The following KCNQ1 variants were observed in gnomAD, a reference collection of about 807,000 sequenced individuals.
KCNQ1 encodes potassium voltage-gated channel subfamily Q member 1, also known as potassium voltage-gated channel subfamily KQT member 1.
Under a neutral mutation model 72.4 loss-of-function variants are expected in KCNQ1, and 49 were observed. The ratio of observed to expected loss-of-function variants is 0.68; its 90% confidence interval spans 0.54 to 0.86. KCNQ1 has a LOEUF of 0.86. Among genes scored for constraint, KCNQ1 ranks in the 40% least tolerant of loss-of-function variants. KCNQ1 has a pLI of 0.00. For synonymous variants in KCNQ1, 450 were observed against 412.6 expected, an observed-to-expected ratio of 1.09 and a Z score of -1.10; for missense variants, 790 against 945.1, an observed-to-expected ratio of 0.84 and a Z score of 2.15.
chr11:2,836,428 G>A (rs997322874), intron 15 of KCNQ1, among the ~76,000 whole-genome samples: 7 of 152,166 alleles, frequency 4.6e-5, no homozygotes, highest in African/African-American at 1.7e-4. Flanking sequence ...AGAGGGTGAG[G>A]CCGGACTGCA....
intron 10 of KCNQ1, chr11:2,622,714 T>A (rs940156880): frequency 5.3e-5 from 21 of 398,526 alleles, no homozygotes; most frequent in Admixed American, 8.8e-5. Flanking sequence ...ATGTGTATTT[T>A]AAAGACTTTA....
Position 2,691,167 on chromosome 11 carries a change from T to C in KCNQ1, c.1514+29086T>C, listed in dbSNP as rs984995985. ...TGCTGGCCTCTGGCCTCTCACAGCC[T>C]TGGGAGGGGTGCTCAGAGCTCAGCT... On this transcript the variant is annotated intron_variant, in intron 11 of 15. Transcript: ENST00000155840. This position sits in a 1 kb window ranked among gnomAD's most constrained non-coding sequence, Gnocchi z 6.4. 1 of 398,632 alleles carries C rather than the reference T, an allele frequency of 2.5e-6. No homozygotes were observed. The allele number at this position is 398,632 out of a possible 1,614,324, so 24.7% of individuals were successfully genotyped here. A position where few individuals can be genotyped will look rare whatever the true frequency, so the allele number is the denominator to read the frequency against.
In KCNQ1 at chr11:2,721,098, G is replaced by A. The variant is rs116211725; in HGVS notation, c.1515-47746G>A. Among the ~76,000 whole-genome samples the A allele has an allele frequency of 3.3e-3, 508 of 152,280 alleles. 3 individuals are homozygous for A. The highest frequency in any genetic ancestry group is 0.012 in the African/African-American group (495 of 41,550). ...GTAAAGAGTTTCTAAAAGGTGGGGAGGGGATTGGTGGGGGCCTGTCTCATG... is the reference window on the plus strand; with the variant it reads ...GTAAAGAGTTTCTAAAAGGTGGGGAAGGGATTGGTGGGGGCCTGTCTCATG... On this transcript the variant is annotated intron_variant, in intron 11 of 15. Transcript: ENST00000155840.
chr11:2,801,584 C>G (rs751606080), intron 15 of KCNQ1, among the ~76,000 whole-genome samples: 9 of 152,222 alleles, frequency 5.9e-5, no homozygotes, highest in Non-Finnish European at 1.2e-4. Flanking sequence ...GACCAAGGCC[C>G]TGCCTTCACA....
chr11:2,807,099 G>A (rs1438327002), intron 15 of KCNQ1, among the ~76,000 whole-genome samples: 1 of 152,376 alleles, frequency 6.6e-6, no homozygotes, highest in Non-Finnish European at 1.5e-5. Context: ...TAAATGGGAC[G>A]ATGAAGGGGC....
intron 11 of KCNQ1, chr11:2,689,822 C>T: frequency 2.5e-6 from 1 of 398,742 alleles, no homozygotes; most frequent in Non-Finnish European, 4.4e-6. Flanking sequence ...GGTGCTTGGC[C>T]CTCCCAGGTG....
intron 11 of KCNQ1, among the ~76,000 whole-genome samples, chr11:2,761,848 C>A (rs1221943584): frequency 6.6e-6 from 1 of 152,258 alleles, no homozygotes; most frequent in Admixed American, 6.5e-5. Flanking sequence ...GGCTGTTTGC[C>A]TGTGAAGGCT....
chr11:2,796,369 C>G lies in KCNQ1; in HGVS notation c.1794+18332C>G, dbSNP rs141135306. Reference sequence around the variant, plus strand: ...TCACGGCTCCTCCCAAACTGAGGAGCATGGAGGACCCTGGGCATTGATGGC... The same window carrying G: ...TCACGGCTCCTCCCAAACTGAGGAGGATGGAGGACCCTGGGCATTGATGGC... On this transcript the variant is annotated intron_variant, in intron 15 of 15. Coordinates refer to ENST00000155840, the MANE Select transcript of KCNQ1 (RefSeq NM_000218.3). 1.8e-3 allele frequency among the ~76,000 whole-genome samples: 271 copies of G among 152,322 alleles called. 2 individuals carry two copies. The highest frequency in any genetic ancestry group is 0.01 in the Middle Eastern group (3 of 294).
chr11:2,466,370 G>A (rs1329279244), intron 1 of KCNQ1, among the ~76,000 whole-genome samples: 1 of 152,154 alleles, frequency 6.6e-6, no homozygotes, highest in Non-Finnish European at 1.5e-5. Flanking sequence ...CCCCTACTTT[G>A]CAGGAGGAGG....
chr11:2,658,345 T>G lies in KCNQ1; in HGVS notation c.1394-3616T>G. On this transcript the variant is annotated intron_variant, in intron 10 of 15. Transcript: ENST00000155840. The surrounding 1 kb of genome is among the most constrained non-coding windows in gnomAD (Gnocchi z 4.9). ...TCTCCTCCAATTGTTTATTTAATTTTATCAGTGTGGATTTGGGAGTATTTA... is the reference window on the plus strand; with the variant it reads ...TCTCCTCCAATTGTTTATTTAATTTGATCAGTGTGGATTTGGGAGTATTTA... The G allele has an allele frequency of 2.5e-6, 1 of 398,598 alleles. No homozygotes were observed. 24.7% of individuals were successfully genotyped at this position (398,598 alleles called of 1,614,324 possible). A position where few individuals can be genotyped will look rare whatever the true frequency, so the allele number is the denominator to read the frequency against.
At chr11:2,846,031 C>T (rs1164446062) in intron 15 of KCNQ1, among the ~76,000 whole-genome samples, 6 of 152,216 alleles carry the variant, frequency 3.9e-5, no homozygotes, top group African/African-American at 9.6e-5. Context: ...CTTGTGCCCA[C>T]GTCACCCAGC....
chr11:2,780,508 C>G (rs974746812), intron 15 of KCNQ1, among the ~76,000 whole-genome samples: 1 of 152,216 alleles, frequency 6.6e-6, no homozygotes. Context: ...CACCCTCCCC[C>G]ACCTCATCCC....
In KCNQ1 at chr11:2,746,317, T is replaced by TGG. The variant is rs1846138214; in HGVS notation, c.1515-22527_1515-22526insGG. Among the ~76,000 whole-genome samples, 1 of 152,220 alleles carries TGG rather than the reference T, an allele frequency of 6.6e-6. No individual in the cohort carries two copies. The highest frequency in any genetic ancestry group is 2.4e-5 in the African/African-American group (1 of 41,454). On this transcript the variant is annotated intron_variant, in intron 11 of 15. Coordinates refer to ENST00000155840, the MANE Select transcript of KCNQ1 (RefSeq NM_000218.3). The surrounding 1 kb of genome is among the most constrained non-coding windows in gnomAD (Gnocchi z 5.9). ...TCCCCCAGCAGCCCTATTATCAGCA[T>TGG]CTCACATTAGTATGCATTTGTCACA... is the stretch of plus-strand genomic sequence containing the variant.
chr11:2,688,778 T>G (rs527865595), intron 11 of KCNQ1: 64 of 398,672 alleles, frequency 1.6e-4, no homozygotes, highest in Non-Finnish European at 2.6e-4. Flanking sequence ...ATACCACACC[T>G]ATATACTTGC....
chr11:2,749,577 A>AGGTG (rs1846191923), intron 11 of KCNQ1, among the ~76,000 whole-genome samples: 1 of 146,164 alleles, frequency 6.8e-6, no homozygotes, highest in Non-Finnish European at 1.5e-5. Context: ...TGGGAGGCCG[A>AGGTG]GGCGGGCGGA....
intron 11 of KCNQ1, among the ~76,000 whole-genome samples, chr11:2,736,315 T>A (rs1407944900): frequency 6.6e-6 from 1 of 152,146 alleles, no homozygotes; most frequent in Non-Finnish European, 1.5e-5. Context: ...GGGCCGTATC[T>A]GGGATCTGGG....
At chr11:2,576,144 A>G (rs1214551972) in intron 6 of KCNQ1, among the ~76,000 whole-genome samples, 1 of 152,214 alleles carries the variant, frequency 6.6e-6, no homozygotes, top group Non-Finnish European at 1.5e-5. Flanking sequence ...GTCCAGGTGA[A>G]TATGAATTAG....
chr11:2,582,341 C>T (rs1564823995), intron 6 of KCNQ1, among the ~76,000 whole-genome samples: 1 of 152,300 alleles, frequency 6.6e-6, no homozygotes, highest in South Asian at 2.1e-4. Context: ...ACCCTGGTCT[C>T]GTGGGGGCTC....
chr11:2,448,057 C>T (rs549115809), intron 1 of KCNQ1, among the ~76,000 whole-genome samples: 101 of 152,352 alleles, frequency 6.6e-4, no homozygotes, highest in South Asian at 1.7e-3. Flanking sequence ...TGGTTGCTTG[C>T]GCCCCCACTG....
Sources: gnomAD v4.1 joint callset for allele counts (sites outside exome capture counted in the v4.1 genomes callset) on GRCh38, gnomAD v4.1.1 for gene constraint, Gnocchi (gnomAD v3.1) non-coding constraint, MANE v1.5 for transcripts, NCBI Gene and HGNC (gene_info 2026-07-23, HGNC 2026-07-21) for gene names.